Variants in CDK14 observed in about 807,000 individuals in gnomAD.
CDK14 encodes the protein cyclin dependent kinase 14, also known as cyclin-dependent kinase 14.
In CDK14, 34 loss-of-function variants were observed where a neutral mutation model predicts 60.7. That is an observed-to-expected ratio of 0.56 (90% confidence interval 0.43 to 0.75). CDK14 has a LOEUF of 0.75. CDK14 is among the 30% of genes least tolerant of loss of function. The pLI is 0.00. For missense variants in CDK14, 482 were observed against 564.1 expected (o/e 0.85, Z 1.47); for synonymous variants, 197 against 203.7 (o/e 0.97, Z 0.28).
At chr7:90,825,090 T>TTAACATC (rs1166373591) in intron 5 of CDK14, among the ~76,000 whole-genome samples, 68 of 152,334 alleles carry the variant, frequency 4.5e-4, no homozygotes, top group African/African-American at 1.4e-3. Context: ...CATGGACAAA[T>TTAACATC]TAACATCTGA....
intron 11 of CDK14, among the ~76,000 whole-genome samples, chr7:91,060,825 C>G (rs1039875107): frequency 1.3e-5 from 2 of 152,092 alleles, no homozygotes; most frequent in East Asian, 1.9e-4. Context: ...CTCTGGCTGC[C>G]CTTAACATTT....
chr7:91,079,675 G>GAGTACACCCCCACCAACCTGATGGGCCC, intron 12 of CDK14, among the ~76,000 whole-genome samples, 195 bp downstream of exon 12: 1 of 152,294 alleles, frequency 6.6e-6, no homozygotes, highest in South Asian at 2.1e-4. Context: ...GTATGAATTT[G>GAGTACACCCCCACCAACCTGATGGGCCC]AGTTCCTAGA....
chr7:91,012,779 A>G (rs138389617), intron 10 of CDK14, among the ~76,000 whole-genome samples: 48 of 152,198 alleles, frequency 3.2e-4, no homozygotes, highest in Non-Finnish European at 4.9e-4. Flanking sequence ...AGCATTTAAC[A>G]TGATGCTAGA....
chr7:91,167,341 G>A (rs893772440), intron 14 of CDK14, among the ~76,000 whole-genome samples: 13 of 152,106 alleles, frequency 8.5e-5, no homozygotes, highest in Non-Finnish European at 1.5e-4. Flanking sequence ...ATTATATGAC[G>A]TCTTTTCTGC....
chr7:91,131,509 A>G (rs1800116501), intron 14 of CDK14, among the ~76,000 whole-genome samples: 1 of 152,158 alleles, frequency 6.6e-6, no homozygotes, highest in South Asian at 2.1e-4. Context: ...TGAACTGACA[A>G]CAAGGCTGTC....
intron 14 of CDK14, among the ~76,000 whole-genome samples, chr7:91,130,533 A>G (rs1227192438): frequency 6.6e-6 from 1 of 152,196 alleles, no homozygotes; most frequent in Non-Finnish European, 1.5e-5. Flanking sequence ...ACTCTAACAT[A>G]CAAGTTATGT....
At chr7:90,689,259 G>A (rs1231624227) in intron 2 of CDK14, among the ~76,000 whole-genome samples, 2 of 152,100 alleles carry the variant, frequency 1.3e-5, no homozygotes, top group African/African-American at 4.8e-5. Flanking sequence ...GAAGATAATG[G>A]TGCTGGTTTT....
intron 5 of CDK14, among the ~76,000 whole-genome samples, chr7:90,816,192 T>C (rs912287224): frequency 1.3e-5 from 2 of 152,188 alleles, no homozygotes; most frequent in African/African-American, 4.8e-5. Flanking sequence ...ATAAAATTCC[T>C]ATAAACATAA....
chr7:90,641,132 T>C (rs1800318013), intron 2 of CDK14, among the ~76,000 whole-genome samples: 1 of 151,408 alleles, frequency 6.6e-6, no homozygotes, highest in African/African-American at 2.4e-5. Context: ...AAACAGGTAA[T>C]TGCAAATGTT....
intron 14 of CDK14, among the ~76,000 whole-genome samples, chr7:91,197,316 C>T (rs1266515597): frequency 1.3e-5 from 2 of 150,954 alleles, no homozygotes; most frequent in African/African-American, 2.4e-5. Flanking sequence ...AGGAGAATCA[C>T]GTGAACCCAG....
intron 8 of CDK14, among the ~76,000 whole-genome samples, chr7:90,928,351 G>GT (rs1405439756): frequency 5.3e-5 from 8 of 152,158 alleles, no homozygotes; most frequent in Admixed American, 3.9e-4. Context: ...CATCTGTGTG[G>GT]TTTTATCTAC....
At chr7:90,944,001 C>T (rs1358118492) in intron 8 of CDK14, among the ~76,000 whole-genome samples, 1 of 152,144 alleles carries the variant, frequency 6.6e-6, no homozygotes, top group Non-Finnish European at 1.5e-5. Flanking sequence ...AGTTCTTGCT[C>T]TCAGGGAACT....
At chr7:91,003,386 T>C (rs1444957035) in intron 10 of CDK14, among the ~76,000 whole-genome samples, 1 of 152,170 alleles carries the variant, frequency 6.6e-6, no homozygotes, top group African/African-American at 2.4e-5. Flanking sequence ...AACACTCCTG[T>C]CATCTTAAAT....
intron 2 of CDK14, among the ~76,000 whole-genome samples, chr7:90,628,782 G>A (rs1799931058): frequency 2.0e-5 from 3 of 152,104 alleles, no homozygotes; most frequent in Admixed American, 2.0e-4. Context: ...GCTGCAGTGA[G>A]TTATGATCAC....
Position 90,603,345 on chromosome 7 carries a change from A to G in CDK14, c.92-873A>G, listed in dbSNP as rs1028765224. ...TACTTGATGGTGGTCCCGCAAGTTT[A>G]CAATACTGTATTTTTACTGTACATT... On this transcript the variant is annotated intron_variant, in intron 1 of 14. Transcript: ENST00000380050. Among the ~76,000 whole-genome samples the G allele has an allele frequency of 3.3e-5, 5 of 152,160 alleles. No individual in the cohort carries two copies. In the East Asian group the frequency reaches 9.6e-4, roughly 29 times the overall value.
Position 90,731,870 on chromosome 7 carries a change from T to C in CDK14, c.369+5058T>C, listed in dbSNP as rs6974569. On this transcript the variant is annotated intron_variant, in intron 3 of 14. Coordinates refer to ENST00000380050, the MANE Select transcript of CDK14 (RefSeq NM_001287135.2). ...TGATTGCCCTGGCCAGAACTTCCAA[T>C]ACTATGTTGAATAGGAGGGGTGAGA... Among the ~76,000 whole-genome samples the C allele has an allele frequency of 2.3e-3, 343 of 152,246 alleles. 5 individuals carry two copies. Among genetic ancestry groups the C allele is most frequent in the African/African-American group, 7.5e-3 (311 of 41,550 alleles).
At chr7:90,627,314 A>T (rs1415849757) in intron 2 of CDK14, among the ~76,000 whole-genome samples, 1 of 151,526 alleles carries the variant, frequency 6.6e-6, no homozygotes, top group Admixed American at 6.6e-5. Flanking sequence ...AGCTCAAGTG[A>T]TTTTCCCACC....
At chr7:91,155,371 G>A (rs990040565) in intron 14 of CDK14, among the ~76,000 whole-genome samples, 27 of 152,184 alleles carry the variant, frequency 1.8e-4, no homozygotes, top group African/African-American at 5.5e-4. Flanking sequence ...TAAATGAAAG[G>A]TAAAAGAGTT....
intron 14 of CDK14, among the ~76,000 whole-genome samples, chr7:91,174,870 T>G (rs1028681784): frequency 3.4e-5 from 4 of 118,040 alleles, no homozygotes; most frequent in Non-Finnish European, 6.8e-5. Flanking sequence ...GGAACCAAGT[T>G]GGAAAACACT....
Sources: allele counts gnomAD v4.1 joint callset (sites outside exome capture counted in the v4.1 genomes callset), GRCh38; gene constraint gnomAD v4.1.1; transcripts MANE v1.5; gene names NCBI Gene and HGNC (gene_info 2026-07-23, HGNC 2026-07-21).